The following EVA1A variants were observed in gnomAD, a reference collection of about 807,000 sequenced individuals.
The protein encoded by EVA1A is protein eva-1 homolog A.
Under a neutral mutation model 9.8 loss-of-function variants are expected in EVA1A, and 7 were observed. The observed-to-expected ratio is 0.71, with a 90% CI of 0.41 to 1.34. EVA1A has a LOEUF of 1.34. EVA1A is among the 40% of genes most tolerant of loss of function. The pLI, the probability that EVA1A is intolerant of heterozygous loss-of-function variation, is 0.01. For missense variants in EVA1A, 206 were observed against 205.9 expected (o/e 1.00, Z 0.00); for synonymous variants, 90 against 85.6 (o/e 1.05, Z -0.28).
upstream of EVA1A, among the ~76,000 whole-genome samples, chr2:75,562,018 C>G (rs1676935846): frequency 6.6e-6 from 1 of 152,012 alleles, no homozygotes; most frequent in Non-Finnish European, 1.5e-5. Flanking sequence ...CAAGTGTGGT[C>G]CAGAGACTGG....
intron 1 of EVA1A, among the ~76,000 whole-genome samples, chr2:75,534,565 A>G (rs1289555041): frequency 1.3e-5 from 2 of 152,302 alleles, no homozygotes; most frequent in East Asian, 3.9e-4. Context: ...AATGGCAAAC[A>G]TCAGCCCTAA....
chr2:75,511,779 C>G (rs1452269955), intron 3 of EVA1A, among the ~76,000 whole-genome samples: 1 of 152,112 alleles, frequency 6.6e-6, no homozygotes, highest in Non-Finnish European at 1.5e-5. Flanking sequence ...GTGCCAGGCA[C>G]TATTCTACAT....
upstream of EVA1A, among the ~76,000 whole-genome samples, chr2:75,565,446 C>T (rs1054656610): frequency 1.3e-5 from 2 of 152,072 alleles, no homozygotes; most frequent in African/African-American, 2.4e-5. Flanking sequence ...CTCCTGTGTG[C>T]GGAGTATTAA....
intron 1 of EVA1A, chr2:75,542,841 T>C (rs747910906): frequency 2.6e-5 from 4 of 152,090 alleles, no homozygotes; most frequent in African/African-American, 4.8e-5. Flanking sequence ...TTTGGGGGAA[T>C]AATTTTGGAA....
At chr2:75,520,538 C>T (rs1675197698) in intron 2 of EVA1A, among the ~76,000 whole-genome samples, 1 of 152,054 alleles carries the variant, frequency 6.6e-6, no homozygotes, top group Non-Finnish European at 1.5e-5. Context: ...AAAATAAACC[C>T]TTACATATAT....
At chr2:75,548,397 A>C (rs1676401941) in intron 1 of EVA1A, among the ~76,000 whole-genome samples, 2 of 152,132 alleles carry the variant, frequency 1.3e-5, no homozygotes, top group Admixed American at 1.3e-4. Context: ...GACCTCCCAC[A>C]GTGCTGAGAT....
At chr2:75,529,238 A>G (rs1675561015) in intron 1 of EVA1A, among the ~76,000 whole-genome samples, 1 of 152,204 alleles carries the variant, frequency 6.6e-6, no homozygotes, top group Non-Finnish European at 1.5e-5. Flanking sequence ...GGAGATCCCA[A>G]ATTTATAAGA....
chr2:75,566,915 T>G (rs1677039673), intron 1 of EVA1A, among the ~76,000 whole-genome samples: 1 of 152,222 alleles, frequency 6.6e-6, no homozygotes, highest in African/African-American at 2.4e-5. Context: ...ATTTTTCATC[T>G]TGGCTAACAA....
chr2:75,538,624 T>C (rs754671362), intron 1 of EVA1A, among the ~76,000 whole-genome samples: 2 of 152,166 alleles, frequency 1.3e-5, no homozygotes, highest in African/African-American at 2.4e-5. Context: ...TTAAACCAAC[T>C]GTAGTACATC....
intron 2 of EVA1A, among the ~76,000 whole-genome samples, chr2:75,519,969 C>T (rs1366018212): frequency 1.3e-5 from 2 of 152,138 alleles, no homozygotes; most frequent in Non-Finnish European, 2.9e-5. Context: ...TTCTATAGTA[C>T]AAATATGATC....
At chr2:75,565,999 ATC>A (rs1277076154) in intron 1 of EVA1A, among the ~76,000 whole-genome samples, 1 of 151,820 alleles carries the variant, frequency 6.6e-6, no homozygotes, top group Non-Finnish European at 1.5e-5. Context: ...TTCTCTCTCT[ATC>A]TCTCTCTTTC....
intron 1 of EVA1A, among the ~76,000 whole-genome samples, chr2:75,559,826 TC>T (rs746761352): frequency 6.9e-4 from 105 of 152,140 alleles, no homozygotes; most frequent in Middle Eastern, 3.4e-3. Flanking sequence ...CTGGGCCCTT[TC>T]CTAGCTAGCT....
At chr2:75,521,802 A>C (rs1034667422) in intron 2 of EVA1A, among the ~76,000 whole-genome samples, 7 of 152,226 alleles carry the variant, frequency 4.6e-5, no homozygotes, top group African/African-American at 1.7e-4. Context: ...TATACACTTA[A>C]AAGTAATTTA....
intron 1 of EVA1A, among the ~76,000 whole-genome samples, chr2:75,531,575 T>C (rs1391363549): frequency 6.6e-6 from 1 of 151,988 alleles, no homozygotes; most frequent in Non-Finnish European, 1.5e-5. Flanking sequence ...GGAATACTAC[T>C]CAGCCATAAA....
intron 1 of EVA1A, among the ~76,000 whole-genome samples, chr2:75,544,527 C>A (rs1310009496): frequency 6.6e-6 from 1 of 152,130 alleles, no homozygotes; most frequent in African/African-American, 2.4e-5. Flanking sequence ...AAACTGACAA[C>A]TGAAGTTTGA....
chr2:75,560,710 G>A lies in EVA1A; in HGVS notation c.-222C>T, dbSNP rs533277400. The A allele has an allele frequency of 2.6e-5, 4 of 152,534 alleles. No homozygotes were observed. The highest frequency in any genetic ancestry group is 9.6e-5 in the African/African-American group (4 of 41,582). The allele number at this position is 152,534 out of a possible 1,614,324, so 9.4% of individuals were successfully genotyped here. A position where few individuals can be genotyped will look rare whatever the true frequency, so the allele number is the denominator to read the frequency against. On this transcript the variant is annotated 5_prime_UTR_variant, in exon 1 of 4. Transcript: ENST00000393913. ...CTGGGGCCCCGGCGCGCACTTCCGG[G>A]GACTGCGCTTGGGGCGCGCGGGGCC...
intron 3 of EVA1A, among the ~76,000 whole-genome samples, chr2:75,515,901 A>G (rs1440898557): frequency 6.6e-6 from 1 of 152,166 alleles, no homozygotes; most frequent in Admixed American, 6.5e-5. Flanking sequence ...ACACACACAC[A>G]AGAAAGTGAG....
At chr2:75,559,645 A>G (rs11126477) in intron 1 of EVA1A, among the ~76,000 whole-genome samples, 72,207 of 144,634 alleles carry the variant, frequency 0.5, 18,080 homozygotes, top group African/African-American at 0.57. Context: ...TAATCAAGGT[A>G]TATTAGGTCA....
At chr2:75,532,052 C>T (rs1305940226) in intron 1 of EVA1A, among the ~76,000 whole-genome samples, 1 of 148,442 alleles carries the variant, frequency 6.7e-6, no homozygotes, top group Middle Eastern at 3.4e-3. Flanking sequence ...CCCACCTACT[C>T]GGGAGGCTGA....
Sources: allele counts gnomAD v4.1 joint callset (sites outside exome capture counted in the v4.1 genomes callset), GRCh38; gene constraint gnomAD v4.1.1; transcripts MANE v1.5; gene names NCBI Gene and HGNC (gene_info 2026-07-23, HGNC 2026-07-21).